NUBPL: variants seen among roughly 807,000 people sequenced by gnomAD.
The protein encoded by NUBPL is NUBP iron-sulfur cluster assembly factor, mitochondrial.
A neutral mutation model predicts 45.7 loss-of-function variants in NUBPL; 31 were observed. The ratio of observed to expected loss-of-function variants is 0.68; its 90% CI spans 0.51 to 0.92. NUBPL has a LOEUF of 0.92. Ranked by LOEUF, NUBPL falls within the 40% of genes least tolerant of loss-of-function variation. The probability of loss-of-function intolerance (pLI) is 0.00; values close to 1 mark genes in which losing one functional copy is unlikely to be tolerated. For synonymous variants in NUBPL, 144 were observed against 140.9 expected, an observed-to-expected ratio of 1.02 and a Z score of -0.15; for missense variants, 401 against 398.7, an observed-to-expected ratio of 1.01 and a Z score of -0.05.
At chr14:31,675,131 C>T (rs140156638) in intron 6 of NUBPL, among the ~76,000 whole-genome samples, 9 of 133,244 alleles carry the variant, frequency 6.8e-5, no homozygotes, top group African/African-American at 3.1e-4. Context: ...AGTAAGACTC[C>T]GTCTCAAAAA....
At chr14:31,704,648 G>C (rs1414786960) in intron 6 of NUBPL, among the ~76,000 whole-genome samples, 1 of 151,620 alleles carries the variant, frequency 6.6e-6, no homozygotes, top group Non-Finnish European at 1.5e-5. Flanking sequence ...TAGGCAACAA[G>C]AGCAAAACTC....
intron 6 of NUBPL, among the ~76,000 whole-genome samples, chr14:31,738,996 G>A (rs2038219084): frequency 6.6e-6 from 1 of 151,008 alleles, no homozygotes; most frequent in Non-Finnish European, 1.5e-5. Context: ...CATATGTAGA[G>A]TGTAGAGTTT....
intron 6 of NUBPL, among the ~76,000 whole-genome samples, chr14:31,698,433 T>G (rs1365268065): frequency 6.6e-6 from 1 of 152,082 alleles, no homozygotes; most frequent in Non-Finnish European, 1.5e-5. Context: ...AGTAACATCC[T>G]CTTTTATGCC....
In NUBPL at chr14:31,645,414, G is replaced by A. The variant is rs1414261648; in HGVS notation, c.383-27941G>A. Among the ~76,000 whole-genome samples the A allele has an allele frequency of 2.0e-5, 3 of 152,052 alleles. No individual in the cohort carries two copies. The East Asian group carries it at 5.8e-4, about 29-fold the overall frequency. On this transcript the variant is annotated intron_variant, in intron 4 of 10. Coordinates refer to ENST00000281081, the MANE Select transcript of NUBPL (RefSeq NM_025152.3). The stretch of plus-strand genomic sequence containing the variant: ...GCATATAGTTGGGTCTTATTTCTTT[G>A]TCTCTTCAGCCACTTTGTCTTTTAA...
intron 9 of NUBPL, among the ~76,000 whole-genome samples, chr14:31,847,922 A>C (rs1207784815): frequency 9.9e-5 from 15 of 152,234 alleles, no homozygotes; most frequent in Admixed American, 9.8e-4. Flanking sequence ...GCATAATAAC[A>C]GATTGACATT....
intron 4 of NUBPL, among the ~76,000 whole-genome samples, chr14:31,602,458 C>T (rs544379373): frequency 2.7e-5 from 4 of 150,696 alleles, no homozygotes; most frequent in African/African-American, 9.7e-5. Context: ...TTCTATAATT[C>T]GCTACTACAG....
intron 6 of NUBPL, among the ~76,000 whole-genome samples, chr14:31,705,768 C>T (rs559080766): frequency 9.2e-5 from 14 of 152,318 alleles, no homozygotes; most frequent in South Asian, 2.1e-4. Flanking sequence ...GAAGCCCAGA[C>T]GGCTTCACCT....
At chr14:31,765,073 G>C (rs563068513) in intron 6 of NUBPL, among the ~76,000 whole-genome samples, 15 of 152,124 alleles carry the variant, frequency 9.9e-5, no homozygotes, top group African/African-American at 2.9e-4. Context: ...AGCTTTGTAA[G>C]TGGCAAGTCT....
intron 6 of NUBPL, among the ~76,000 whole-genome samples, chr14:31,690,133 G>T (rs143420185): frequency 1.5e-3 from 221 of 152,120 alleles, no homozygotes; most frequent in Middle Eastern, 0.014. Flanking sequence ...GTAAGGAAGA[G>T]AAGTGAGCAC....
At chr14:31,805,672 C>T (rs2039671466) in intron 7 of NUBPL, among the ~76,000 whole-genome samples, 1 of 152,038 alleles carries the variant, frequency 6.6e-6, no homozygotes, top group African/African-American at 2.4e-5. Context: ...AAAAAACACC[C>T]CATGTTCTCA....
chr14:31,636,303 G>A (rs1258901815), intron 4 of NUBPL, among the ~76,000 whole-genome samples: 11 of 151,804 alleles, frequency 7.2e-5, no homozygotes, highest in African/African-American at 1.9e-4. Context: ...AGCATGAAGC[G>A]TTGTTGAATT....
chr14:31,632,256 G>T (rs1398869660), intron 4 of NUBPL, among the ~76,000 whole-genome samples: 6 of 152,172 alleles, frequency 3.9e-5, no homozygotes, highest in African/African-American at 1.2e-4. Context: ...TGAAGAGTTG[G>T]GGGGAAGGAG....
intron 6 of NUBPL, among the ~76,000 whole-genome samples, chr14:31,761,501 G>A (rs1003543696): frequency 6.6e-6 from 1 of 152,128 alleles, no homozygotes; most frequent in Non-Finnish European, 1.5e-5. Context: ...CTCACCATTT[G>A]GAGTAATAAC....
chr14:31,756,083 T>C (rs1037660840), intron 6 of NUBPL, among the ~76,000 whole-genome samples: 15 of 152,074 alleles, frequency 9.9e-5, no homozygotes, highest in African/African-American at 3.4e-4. Context: ...ACCAGTACCA[T>C]GCTGTTTTGG....
intron 3 of NUBPL, 50 bp from the exon 4 acceptor site, chr14:31,599,239 A>G: frequency 7.4e-7 from 1 of 1,346,852 alleles, no homozygotes; most frequent in South Asian, 1.2e-5. Context: ...GAACAATCTT[A>G]TGGTAAAGTG....
chr14:31,760,126 A>AGTGTGTGTGT (rs147699444), intron 6 of NUBPL, among the ~76,000 whole-genome samples: 1,142 of 29,786 alleles, frequency 0.038, 108 homozygotes, highest in African/African-American at 0.093. Flanking sequence ...TTCTGACTTT[A>AGTGTGTGTGT]GTGTGTGTGT....
At chr14:31,572,557 T>C (rs1224798831) in intron 3 of NUBPL, among the ~76,000 whole-genome samples, 1 of 152,224 alleles carries the variant, frequency 6.6e-6, no homozygotes, top group Non-Finnish European at 1.5e-5. Flanking sequence ...CGTATGATTG[T>C]ACAGGCAGAT....
intron 4 of NUBPL, among the ~76,000 whole-genome samples, chr14:31,608,915 A>G (rs1227956705): frequency 6.6e-6 from 1 of 152,176 alleles, no homozygotes; most frequent in Non-Finnish European, 1.5e-5. Context: ...ACCTCAAACC[A>G]AAAAACATTC....
intron 6 of NUBPL, among the ~76,000 whole-genome samples, chr14:31,706,554 T>A (rs932084093): frequency 6.6e-6 from 1 of 152,350 alleles, no homozygotes; most frequent in Admixed American, 6.5e-5. Flanking sequence ...TTCAGAAGCC[T>A]TTTCCTGTAA....
Sources: allele counts gnomAD v4.1 joint callset (sites outside exome capture counted in the v4.1 genomes callset), GRCh38; gene constraint gnomAD v4.1.1; transcripts MANE v1.5; gene names NCBI Gene and HGNC (gene_info 2026-07-23, HGNC 2026-07-21).